CHST8: variants seen among roughly 807,000 people sequenced by gnomAD.
CHST8 encodes GALNAC-4-ST1.
Under a neutral mutation model 15.0 loss-of-function variants are expected in CHST8, and 10 were observed. The ratio of observed to expected loss-of-function variants is 0.67; its 90% CI spans 0.41 to 1.13. The LOEUF (loss-of-function observed/expected upper bound fraction) is 1.13. Among genes scored for constraint, CHST8 ranks in the 50% most tolerant of loss-of-function variants. CHST8 has a pLI of 0.00. For synonymous variants in CHST8, 259 were observed against 256.6 expected (o/e 1.01, Z -0.09); for missense variants, 634 against 608.2 (o/e 1.04, Z -0.45).
At chr19:33,675,542 C>G (rs541449239) in intron 2 of CHST8, among the ~76,000 whole-genome samples, 1 of 152,198 alleles carries the variant, frequency 6.6e-6, no homozygotes, top group African/African-American at 2.4e-5. Flanking sequence ...GTGTCCAATG[C>G]GTGGTCTCAC....
chr19:33,679,010 A>G (rs1972849005), intron 2 of CHST8, among the ~76,000 whole-genome samples: 2 of 152,222 alleles, frequency 1.3e-5, no homozygotes, highest in Non-Finnish European at 2.9e-5. Flanking sequence ...CACAAAGACA[A>G]GTCCTCTGGG....
At chr19:33,742,223 G>T (rs1974207558) in intron 3 of CHST8, among the ~76,000 whole-genome samples, 1 of 152,096 alleles carries the variant, frequency 6.6e-6, no homozygotes, top group African/African-American at 2.4e-5. Flanking sequence ...TCTCTCCTTT[G>T]GTCACTGAGT....
At chr19:33,757,383 A>AG (rs1555724529) in intron 3 of CHST8, among the ~76,000 whole-genome samples, 4 of 108,948 alleles carry the variant, frequency 3.7e-5, no homozygotes, top group African/African-American at 1.3e-4. Flanking sequence ...CGGTCTCAAA[A>AG]AAAGAAGAAA....
intron 3 of CHST8, among the ~76,000 whole-genome samples, chr19:33,738,111 TATATC>T (rs1974119402): frequency 6.6e-6 from 1 of 152,084 alleles, no homozygotes; most frequent in East Asian, 1.9e-4. Flanking sequence ...GCTAGATAAA[TATATC>T]ATATTCTCTG....
intron 1 of CHST8, among the ~76,000 whole-genome samples, chr19:33,662,751 TG>T (rs1399031054): frequency 1.3e-5 from 2 of 152,208 alleles, no homozygotes; most frequent in Non-Finnish European, 2.9e-5. Context: ...AGCCCAGCTC[TG>T]GGTTCTGCCT....
intron 3 of CHST8, among the ~76,000 whole-genome samples, chr19:33,742,744 C>T (rs1974222296): frequency 6.6e-6 from 1 of 152,114 alleles, no homozygotes; most frequent in East Asian, 1.9e-4. Flanking sequence ...ACCTGACTTT[C>T]TTGTTTTTTG....
intron 3 of CHST8, among the ~76,000 whole-genome samples, chr19:33,728,783 T>C (rs761446078): frequency 3.9e-5 from 6 of 151,972 alleles, no homozygotes; most frequent in Non-Finnish European, 7.4e-5. Context: ...TTCTTCGAGC[T>C]CCCTGGGAGG....
At chr19:33,644,722 C>T (rs148965538) in intron 1 of CHST8, among the ~76,000 whole-genome samples, 111 of 152,078 alleles carry the variant, frequency 7.3e-4, no homozygotes, top group African/African-American at 2.2e-3. Flanking sequence ...GCCTGGGCAA[C>T]GGAGCAAGAC....
At chr19:33,734,593 C>G (rs1184138333) in intron 3 of CHST8, among the ~76,000 whole-genome samples, 1 of 152,132 alleles carries the variant, frequency 6.6e-6, no homozygotes, top group East Asian at 1.9e-4. Context: ...GCCCCCAGCC[C>G]CCAGGAGAAC....
chr19:33,735,138 C>T (rs762937301), intron 3 of CHST8, among the ~76,000 whole-genome samples: 1 of 152,224 alleles, frequency 6.6e-6, no homozygotes, highest in Non-Finnish European at 1.5e-5. Context: ...TCCCTGGAAA[C>T]AGCCTGGCTG....
At chr19:33,766,120 C>A (rs1259794515) in intron 3 of CHST8, among the ~76,000 whole-genome samples, 1 of 151,980 alleles carries the variant, frequency 6.6e-6, no homozygotes, top group Non-Finnish European at 1.5e-5. Context: ...TTAAAATCAA[C>A]CCGTCTCGCT....
intron 1 of CHST8, among the ~76,000 whole-genome samples, chr19:33,639,054 T>C (rs1652150062): frequency 8.2e-6 from 1 of 121,540 alleles, no homozygotes; most frequent in Admixed American, 1.1e-4. Flanking sequence ...GGAGCCTCTC[T>C]CCAGTCCTAG....
chr19:33,772,282 C>T lies in CHST8; in HGVS notation c.494C>T (p.Ala165Val). The change falls in exon 5 of 5, where the codon GCC (alanine) becomes GTC (valine). Residue 165 changes from alanine to valine, a missense_variant. By Grantham distance (64) the Ala-to-Val change is moderately conservative. Transcript: ENST00000650847. ...AAGCGGGTGATGCAGGAGGCCTGCG[C>T]CAAGTACCGGGCGAGCAGCAGCCGC... ...ERKRVMQEAC[A>V]KYRASSSRRA... The T allele has an allele frequency of 1.2e-6, 2 of 1,601,928 alleles. No individual in the cohort carries two copies. The highest frequency in any genetic ancestry group is 1.7e-6 in the Non-Finnish European group (2 of 1,179,060).
intron 3 of CHST8, among the ~76,000 whole-genome samples, chr19:33,758,849 A>G (rs1974658611): frequency 6.6e-6 from 1 of 152,198 alleles, no homozygotes; most frequent in Non-Finnish European, 1.5e-5. Context: ...TTATAAAGAA[A>G]AGAGGTTTCA....
intron 3 of CHST8, among the ~76,000 whole-genome samples, chr19:33,759,898 T>C (rs2145375879): frequency 6.6e-6 from 1 of 152,288 alleles, no homozygotes. Flanking sequence ...CATGATGGGA[T>C]TTCAGACCAC....
chr19:33,689,351 C>A lies in CHST8; in HGVS notation c.90C>A (p.Ser30Arg), dbSNP rs1973051687. The A allele has an allele frequency of 6.2e-7, 1 of 1,608,222 alleles. No individual in the cohort carries two copies. Among genetic ancestry groups the A allele is most frequent in the Non-Finnish European group, 8.5e-7 (1 of 1,178,498 alleles). Residue 30 changes from serine to arginine, a missense_variant, in exon 3 of 5, where the codon AGC becomes AGA. Physicochemically the swap from Ser to Arg is moderately radical, Grantham distance 110. Transcript: ENST00000650847. ...FGAAGLLLFI[S>R]LQDPTELAPQ... is the part of the protein sequence containing the mutation. ...CTGCAGGCCTCCTCCTCTTCATCAG[C>A]CTGCAGGACCCTACGGAGCTCGCCC... is the stretch of plus-strand genomic sequence containing the variant.
rs141191425 is a variant in CHST8, at chr19:33,745,446, A to C, written c.131-25967A>C. 3.9e-5 allele frequency among the ~76,000 whole-genome samples: 6 copies of C among 152,224 alleles called. No homozygotes were observed. The East Asian group carries it at 1.2e-3, about 29-fold the overall frequency. Reference sequence around the variant, plus strand: ...CACAGCTGCCTGTGCTCCACCTACCACCAATGCTGGGGACCTCCTTGCTGG... The same window carrying C: ...CACAGCTGCCTGTGCTCCACCTACCCCCAATGCTGGGGACCTCCTTGCTGG... On this transcript the variant is annotated intron_variant, in intron 3 of 4. Coordinates refer to ENST00000650847, the MANE Select transcript of CHST8 (RefSeq NM_001127895.2).
chr19:33,682,804 A>G (rs1280845945), intron 2 of CHST8, among the ~76,000 whole-genome samples: 1 of 152,208 alleles, frequency 6.6e-6, no homozygotes, highest in East Asian at 1.9e-4. Flanking sequence ...TATATTTTAA[A>G]GGTTTGGGGA....
chr19:33,709,639 G>T, intron 3 of CHST8, among the ~76,000 whole-genome samples: 1 of 150,850 alleles, frequency 6.6e-6, no homozygotes. Context: ...TTTTTTTTGA[G>T]GGATAGTTGT....
Sources: gnomAD v4.1 joint callset for allele counts (sites outside exome capture counted in the v4.1 genomes callset) on GRCh38, gnomAD v4.1.1 for gene constraint, MANE v1.5 for transcripts, NCBI Gene and HGNC (gene_info 2026-07-23, HGNC 2026-07-21) for gene names.